PSD: variants seen among roughly 807,000 people sequenced by gnomAD.
PSD encodes the protein pleckstrin and Sec7 domain containing.
A neutral mutation model predicts 91.6 loss-of-function variants in PSD; 32 were observed. The ratio of observed to expected loss-of-function variants is 0.35; its 90% CI spans 0.26 to 0.47. The LOEUF (loss-of-function observed/expected upper bound fraction) is 0.47. PSD is among the 20% of genes least tolerant of loss of function. The pLI is 1.00. For synonymous variants in PSD, 532 were observed against 569.3 expected, an observed-to-expected ratio of 0.93 and a Z score of 0.93; for missense variants, 1,099 against 1,373.9, an observed-to-expected ratio of 0.80 and a Z score of 3.16.
Position 102,403,408 on chromosome 10 carries a change from G to T in PSD, c.2867C>A (p.Ala956Glu). The change falls in exon 17 of 17, where the codon GCA becomes GAA. Residue 956 changes from alanine (A) to glutamate (E), a missense_variant. Ala to Glu is a moderately radical substitution (Grantham distance 107). Around this residue, in one of 3 missense-constraint regions of PSD, gnomAD observed 358 missense variants for 426.5 expected, o/e 0.84. Coordinates refer to ENST00000020673, the MANE Select transcript of PSD (RefSeq NM_002779.5). The surrounding 1 kb of genome is among the most constrained non-coding windows in gnomAD (Gnocchi z 6.7). ...CTTCAGCTTGACCCGAAGCAGCGCT[G>T]CATAGGTGCTGTAGCGGGATTTCTG... ...EFEKSRYSTY[A>E]ALLRVKLKAG... 1 of 1,612,010 alleles carries T rather than the reference G, an allele frequency of 6.2e-7. No individual in the cohort carries two copies.
At position 102,404,638 on chromosome 10, in the gene PSD, G is replaced by A; in HGVS notation, c.2645C>T (p.Ser882Phe). 2 of 1,612,362 alleles carry A rather than the reference G, an allele frequency of 1.2e-6. No homozygotes were observed. The highest frequency in any genetic ancestry group is 1.7e-6 in the Non-Finnish European group (2 of 1,179,160). Reference protein sequence around the residue: ...SAPPFPAAVSSQKKFSRPLLP... With the variant: ...SAPPFPAAVSFQKKFSRPLLP... ...GAGAGGGCGGCTGAACTTCTTTTGG[G>A]AGCTAACAGCAGCTGGGAAGGGGGG... The change falls in exon 15 of 17, where the codon TCC becomes TTC. Residue 882 changes from serine to phenylalanine, a missense_variant. This residue lies in a region of PSD where 358 missense variants were observed against 426.5 expected (regional missense o/e 0.84). Coordinates refer to ENST00000020673, the MANE Select transcript of PSD (RefSeq NM_002779.5). The surrounding 1 kb of genome is among the most constrained non-coding windows in gnomAD (Gnocchi z 5.7).
rs1158864356 is a variant in PSD at position 102,412,486 on chromosome 10, G to C, written c.1643C>G (p.Ser548Cys). Reference protein sequence around the residue: ...RLALGSTDTLSNGQKADLEAA... With the variant: ...RLALGSTDTLCNGQKADLEAA... ...CTCCAGGTCCGCTTTCTGCCCATTGGACAAGGTGTCTGTGCTTCCCAGGGC... is the reference window on the plus strand; with the variant it reads ...CTCCAGGTCCGCTTTCTGCCCATTGCACAAGGTGTCTGTGCTTCCCAGGGC... The change falls in exon 6 of 17, where the codon TCC (serine) becomes TGC (cysteine). Residue 548 changes from serine (S) to cysteine (C), a missense_variant. Transcript: ENST00000020673. 6.2e-7 allele frequency: 1 copy of C among 1,614,090 alleles called. No homozygotes were observed. The highest frequency in any genetic ancestry group is 1.3e-5 in the African/African-American group (1 of 75,052).
At chr10:102,411,157 G>A in intron 8 of PSD, 41 bp from the exon 9 acceptor site, 1 of 1,560,428 alleles carries the variant, frequency 6.4e-7, no homozygotes, top group South Asian at 1.2e-5. Context: ...GCCTCCCAGG[G>A]ACCCTTCCCA....
In PSD at chr10:102,414,928, G is replaced by A. The variant is rs139586903; in HGVS notation, c.1059C>T (p.Asp353=). ...PSLGSGNEDE[D]DDEAGGEEDV... ...CTTCTTCCCCACCTGCCTCATCGTC[G>A]TCCTCATCCTCATTGCCACTGCCGA... is the stretch of plus-strand genomic sequence containing the variant. Residue 353 remains aspartate, a synonymous_variant, in exon 4 of 17, where the codon GAC becomes GAT. Coordinates refer to ENST00000020673, the MANE Select transcript of PSD (RefSeq NM_002779.5). The surrounding 1 kb of genome is among the most constrained non-coding windows in gnomAD (Gnocchi z 5.6). 5.4e-5 allele frequency: 83 copies of A among 1,524,536 alleles called. No homozygotes were observed. Among genetic ancestry groups the A allele is most frequent in the African/African-American group, 3.0e-4 (22 of 73,106 alleles). The allele number at this position is 1,524,536 out of a possible 1,614,324, so 94.4% of individuals were successfully genotyped here. A position where few individuals can be genotyped will look rare whatever the true frequency, so the allele number is the denominator to read the frequency against.
chr10:102,411,852 A>G (rs1453619494), intron 7 of PSD, 33 bp from the exon 8 acceptor site: 1 of 1,518,870 alleles, frequency 6.6e-7, no homozygotes, highest in African/African-American at 1.4e-5. Context: ...TTGCCTAGCA[A>G]CCAGGAGTTT....
intron 7 of PSD, 66 bp from the exon 8 acceptor site, chr10:102,411,885 C>G: frequency 8.0e-7 from 1 of 1,248,858 alleles, no homozygotes; most frequent in East Asian, 2.4e-5. Context: ...TCTGGGGTGA[C>G]AGGAGGCTTT....
Position 102,416,183 on chromosome 10 carries a change from A to T in PSD, c.655-64T>A. 1 of 1,338,938 alleles carries T rather than the reference A, an allele frequency of 7.5e-7. No individual in the cohort carries two copies. The highest frequency in any genetic ancestry group is 1.0e-6 in the Non-Finnish European group (1 of 954,580). The allele number at this position is 1,338,938 out of a possible 1,614,324, so 82.9% of individuals were successfully genotyped here. The stretch of plus-strand genomic sequence containing the variant: ...GCCAGACATACAAGGACACAAGAAT[A>T]TGGGACAGAAACAGAAATTAAAACA... On this transcript the variant is annotated intron_variant, in intron 2 of 16. Coordinates refer to ENST00000020673, the MANE Select transcript of PSD (RefSeq NM_002779.5). The surrounding 1 kb of genome is among the most constrained non-coding windows in gnomAD (Gnocchi z 6.0).
Position 102,413,897 on chromosome 10 carries a change from A to G in PSD, c.1425T>C (p.Asp475=), listed in dbSNP as rs781040261. The G allele has an allele frequency of 1.2e-6, 2 of 1,613,996 alleles. No individual in the cohort carries two copies. The highest frequency in any genetic ancestry group is 1.7e-6 in the Non-Finnish European group (2 of 1,179,948). Residue 475 remains aspartate (D), a synonymous_variant, in exon 5 of 17, where the codon GAT becomes GAC. Coordinates refer to ENST00000020673, the MANE Select transcript of PSD (RefSeq NM_002779.5). ...CCTCCCCTCTCTGTGTCCAAGGACC[A>G]TCAGCAGCAGAGCTGGTACCAGAAT... ...EPDSGTSSAA[D]GPWTQRGEEE...
rs1211793590 is a variant in PSD at position 102,414,284 on chromosome 10, A to T, written c.1125-87T>A. The stretch of plus-strand genomic sequence containing the variant: ...ACTGAACTCTCACACTGACTCTGCT[A>T]AGGGGATTATCATCCCCTTTTCACT... On this transcript the variant is annotated intron_variant, in intron 4 of 16. Transcript: ENST00000020673. This position sits in a 1 kb window ranked among gnomAD's most constrained non-coding sequence, Gnocchi z 5.6. 1.6e-6 allele frequency: 2 copies of T among 1,262,004 alleles called. No individual in the cohort carries two copies. The highest frequency in any genetic ancestry group is 2.2e-6 in the Non-Finnish European group (2 of 903,920). The allele number at this position is 1,262,004 out of a possible 1,614,324, so 78.2% of individuals were successfully genotyped here.
intron 11 of PSD, among the ~76,000 whole-genome samples, chr10:102,406,995 T>A (rs1295793517): frequency 6.6e-6 from 1 of 151,998 alleles, no homozygotes; most frequent in African/African-American, 2.4e-5. Flanking sequence ...GCACCTCTCC[T>A]CCCACCCCAA....
At chr10:102,413,474 G>A (rs2061444025) in intron 5 of PSD, among the ~76,000 whole-genome samples, 1 of 152,102 alleles carries the variant, frequency 6.6e-6, no homozygotes, top group Non-Finnish European at 1.5e-5. Flanking sequence ...CTCTGCCAAG[G>A]GAAGAAAGGG....
chr10:102,418,484 G>T (rs1589897818), intron 1 of PSD, among the ~76,000 whole-genome samples: 1 of 152,014 alleles, frequency 6.6e-6, no homozygotes, highest in Non-Finnish European at 1.5e-5. Context: ...CTCTTGAGGG[G>T]AATCTGCACC....
chr10:102,409,282 C>A lies in PSD; in HGVS notation c.2091+1576G>T. 1 of 985,640 alleles carries A rather than the reference C, an allele frequency of 1.0e-6. No individual in the cohort carries two copies. The highest frequency in any genetic ancestry group is 1.2e-6 in the Non-Finnish European group (1 of 829,816). 61.1% of individuals were successfully genotyped at this position (985,640 alleles called of 1,614,324 possible). A position where few individuals can be genotyped will look rare whatever the true frequency, so the allele number is the denominator to read the frequency against. ...GGCGGCGGCGCTGTCTGCTCTGCGG[C>A]TTGGCTAGAGCGGGAGGGGGGCGCC... is the stretch of plus-strand genomic sequence containing the variant. On this transcript the variant is annotated intron_variant, in intron 10 of 16. Coordinates refer to ENST00000020673, the MANE Select transcript of PSD (RefSeq NM_002779.5). This position sits in a 1 kb window ranked among gnomAD's most constrained non-coding sequence, Gnocchi z 5.7.
chr10:102,407,209 G>A lies in PSD; in HGVS notation c.2135+14C>T, dbSNP rs2061372331. The A allele has an allele frequency of 2.5e-6, 4 of 1,596,134 alleles. No individual in the cohort carries two copies. The highest frequency in any genetic ancestry group is 3.4e-6 in the Non-Finnish European group (4 of 1,171,742). On this transcript the variant is annotated intron_variant, in intron 11 of 16. Coordinates refer to ENST00000020673, the MANE Select transcript of PSD (RefSeq NM_002779.5). Reference sequence around the variant, plus strand: ...TGCCCCATCCTAGCCCCACCACGCAGCCCCGGGACTCACATGGCCCACTGC... The same window carrying A: ...TGCCCCATCCTAGCCCCACCACGCAACCCCGGGACTCACATGGCCCACTGC...
Position 102,418,749 on chromosome 10 carries a change from G to T in PSD, c.-132C>A. ...CGAGGAGAGACAGAGGAGAGGCTGG[G>T]CCCAGCTGAGCTGTGAAGGCAGCGC... On this transcript the variant is annotated 5_prime_UTR_variant, in exon 1 of 17. Transcript: ENST00000020673. 1 of 455,778 alleles carries T rather than the reference G, an allele frequency of 2.2e-6. No homozygotes were observed. The highest frequency in any genetic ancestry group is 4.4e-6 in the Non-Finnish European group (1 of 226,668). The allele number at this position is 455,778 out of a possible 1,614,324, so 28.2% of individuals were successfully genotyped here.
upstream of PSD, chr10:102,418,830 G>A (rs1170872840): frequency 1.3e-5 from 3 of 226,016 alleles, no homozygotes; most frequent in Admixed American, 1.3e-4. Context: ...TACCCCCTAC[G>A]CGCCGCTCAG....
chr10:102,411,600 C>A, intron 8 of PSD, 107 bp downstream of exon 8: 1 of 825,838 alleles, frequency 1.2e-6, no homozygotes, highest in South Asian at 1.4e-5. Flanking sequence ...GCATGTACAT[C>A]CATTCCCTGC....
At chr10:102,407,320 G>T in intron 10 of PSD, 54 bp from the exon 11 acceptor site, 1 of 1,204,840 alleles carries the variant, frequency 8.3e-7, no homozygotes, top group Non-Finnish European at 1.1e-6. Flanking sequence ...CGCAGTGTCA[G>T]AGCTTAGAGC....
intron 5 of PSD, 73 bp from the exon 6 acceptor site, chr10:102,412,648 A>T: frequency 7.5e-7 from 1 of 1,340,126 alleles, no homozygotes; most frequent in Non-Finnish European, 1.0e-6. Context: ...TTCTGCCTCC[A>T]GGCCCAGAAG....
Sources: gnomAD v4.1 joint callset for allele counts (sites outside exome capture counted in the v4.1 genomes callset) on GRCh38, gnomAD v4.1.1 for gene constraint, gnomAD v4.1.1 regional missense constraint, Gnocchi (gnomAD v3.1) non-coding constraint, MANE v1.5 for transcripts, NCBI Gene and HGNC (gene_info 2026-07-23, HGNC 2026-07-21) for gene names.